The following ZSCAN5A variants were observed in gnomAD, a reference collection of about 807,000 sequenced individuals.
The protein encoded by ZSCAN5A is zinc finger and SCAN domain containing 5A, also known as zinc finger and SCAN domain-containing protein 5A.
In ZSCAN5A, 12 loss-of-function variants were observed where a neutral mutation model predicts 23.7. The observed-to-expected ratio is 0.51, with a 90% CI of 0.32 to 0.82. The LOEUF is 0.82. Among genes scored for constraint, ZSCAN5A ranks in the 40% least tolerant of loss-of-function variants. The pLI is 0.03. For missense variants in ZSCAN5A, 597 were observed against 617.9 expected (o/e 0.97, Z 0.36); for synonymous variants, 257 against 239.9 (o/e 1.07, Z -0.66).
intron 2 of ZSCAN5A, among the ~76,000 whole-genome samples, chr19:56,349,430 C>T (rs2041653602): frequency 6.6e-6 from 1 of 152,154 alleles, no homozygotes; most frequent in South Asian, 2.1e-4. Context: ...AGCGCGGTGG[C>T]TCACGCCTGT....
At chr19:56,303,808 G>A (rs781161987) in intron 2 of ZSCAN5A, among the ~76,000 whole-genome samples, 15 of 115,248 alleles carry the variant, frequency 1.3e-4, no homozygotes, top group Admixed American at 2.5e-4. Flanking sequence ...AGCCTTCCCC[G>A]GGCAGGTAAC....
At chr19:56,337,295 C>T (rs532705758) in intron 2 of ZSCAN5A, among the ~76,000 whole-genome samples, 20 of 152,352 alleles carry the variant, frequency 1.3e-4, no homozygotes, top group African/African-American at 4.8e-4. Context: ...GGCGCCCCTC[C>T]CCCAGCCTCA....
intron 2 of ZSCAN5A, among the ~76,000 whole-genome samples, chr19:56,270,810 C>G (rs2037794222): frequency 6.6e-6 from 1 of 152,022 alleles, no homozygotes; most frequent in African/African-American, 2.4e-5. Flanking sequence ...TGATAGGGAC[C>G]AGAGATGTTG....
At chr19:56,357,114 C>T (rs1257210947) in intron 2 of ZSCAN5A, among the ~76,000 whole-genome samples, 1 of 148,798 alleles carries the variant, frequency 6.7e-6, no homozygotes, top group Non-Finnish European at 1.5e-5. Context: ...GGGCCTTCTT[C>T]TCCTCTTTCT....
chr19:56,349,359 C>T (rs1275036460), intron 2 of ZSCAN5A, among the ~76,000 whole-genome samples: 1 of 152,124 alleles, frequency 6.6e-6, no homozygotes, highest in African/African-American at 2.4e-5. Flanking sequence ...GAGGAAGCAA[C>T]CCCTGACGGT....
intron 2 of ZSCAN5A, among the ~76,000 whole-genome samples, chr19:56,271,815 G>A (rs2146960931): frequency 6.6e-6 from 1 of 152,242 alleles, no homozygotes; most frequent in Admixed American, 6.5e-5. Flanking sequence ...TAGACCAGTG[G>A]TCTCTACACT....
At chr19:56,231,788 T>C (rs11666250) in intron 2 of ZSCAN5A, among the ~76,000 whole-genome samples, 25,608 of 152,146 alleles carry the variant, frequency 0.17, 2,232 homozygotes, top group Middle Eastern at 0.21. Flanking sequence ...TGTGCCTGCA[T>C]GTCCAGAGTC....
At chr19:56,338,849 T>A (rs1246384948) in intron 2 of ZSCAN5A, among the ~76,000 whole-genome samples, 1 of 152,106 alleles carries the variant, frequency 6.6e-6, no homozygotes, top group African/African-American at 2.4e-5. Flanking sequence ...ATGACCACAG[T>A]GAAAGTTTTG....
chr19:56,366,659 TG>T (rs2041768500), intron 1 of ZSCAN5A, among the ~76,000 whole-genome samples: 1 of 152,224 alleles, frequency 6.6e-6, no homozygotes. Flanking sequence ...GTATTTTCTT[TG>T]CCTTGTTTCT....
intron 2 of ZSCAN5A, among the ~76,000 whole-genome samples, chr19:56,338,921 C>CA (rs1436544079): frequency 6.6e-6 from 1 of 152,146 alleles, no homozygotes; most frequent in Admixed American, 6.5e-5. Context: ...TCCCAGGGTT[C>CA]AAAGCATATA....
At chr19:56,360,916 G>A (rs1465914428) in intron 2 of ZSCAN5A, among the ~76,000 whole-genome samples, 4 of 152,112 alleles carry the variant, frequency 2.6e-5, no homozygotes, top group East Asian at 1.9e-4. Flanking sequence ...CTACAGCATG[G>A]AAGAAAATTT....
chr19:56,238,250 G>A (rs2146583447), intron 2 of ZSCAN5A, among the ~76,000 whole-genome samples: 1 of 152,180 alleles, frequency 6.6e-6, no homozygotes, highest in East Asian at 1.9e-4. Flanking sequence ...GCTGAGGCAG[G>A]AGGATTACTT....
At chr19:56,337,007 C>T (rs1310826684) in intron 2 of ZSCAN5A, among the ~76,000 whole-genome samples, 2 of 152,214 alleles carry the variant, frequency 1.3e-5, no homozygotes, top group Admixed American at 6.5e-5. Flanking sequence ...GGGGGTGCCT[C>T]CCAGTTAGGC....
Position 56,356,417 on chromosome 19 carries a change from T to C in ZSCAN5A, c.-358+6818A>G, listed in dbSNP as rs908207439. Among the ~76,000 whole-genome samples, 10 of 148,596 alleles carry C rather than the reference T, an allele frequency of 6.7e-5. 2 individuals carry two copies. The highest frequency in any genetic ancestry group is 1.2e-4 in the Non-Finnish European group (8 of 67,264). ...GTGTAATATATACGTATCAATCTTATGACCTTGCAGCTGTGCTGGGGAGGT... is the reference window on the plus strand; with the variant it reads ...GTGTAATATATACGTATCAATCTTACGACCTTGCAGCTGTGCTGGGGAGGT... On this transcript the variant is annotated intron_variant, in intron 2 of 6. Transcript: ENST00000587340.
intron 2 of ZSCAN5A, among the ~76,000 whole-genome samples, chr19:56,245,876 G>A (rs558153053): frequency 8.5e-5 from 13 of 152,268 alleles, no homozygotes; most frequent in South Asian, 2.1e-4. Context: ...ATTGTAGGGG[G>A]TGGTGGGGTG....
rs556807854 is a variant in ZSCAN5A, at chr19:56,227,964, G to A, written c.-127-2791C>T. Among the ~76,000 whole-genome samples, 23 of 152,108 alleles carry A rather than the reference G, an allele frequency of 1.5e-4. No homozygotes were observed. The South Asian group carries it at 3.5e-3, about 23-fold the overall frequency. On this transcript the variant is annotated intron_variant, in intron 2 of 5. Coordinates refer to ENST00000683990, the MANE Select transcript of ZSCAN5A (RefSeq NM_001322064.3). ...TCCCAGCTACTCGGGAGGCGGAGGC[G>A]GGCGGATCGCTTGAGCCCAGGAATT...
chr19:56,230,121 T>C (rs2034326474), intron 2 of ZSCAN5A, among the ~76,000 whole-genome samples: 1 of 152,090 alleles, frequency 6.6e-6, no homozygotes, highest in Admixed American at 6.6e-5. Context: ...ATATTATTAT[T>C]ATTATTTTGA....
In ZSCAN5A at chr19:56,221,457, T is replaced by C; in HGVS notation, c.*118A>G. The C allele has an allele frequency of 1.5e-6, 2 of 1,292,204 alleles. No homozygotes were observed. Among genetic ancestry groups the C allele is most frequent in the South Asian group, 3.2e-5 (2 of 63,270 alleles). 80.0% of individuals were successfully genotyped at this position (1,292,204 alleles called of 1,614,324 possible). A position where few individuals can be genotyped will look rare whatever the true frequency, so the allele number is the denominator to read the frequency against. The stretch of plus-strand genomic sequence containing the variant: ...CTCAAACATCCTGGCAATTCATATC[T>C]AGGGCACTCCCTCTGTGTGTCAGAC... On this transcript the variant is annotated 3_prime_UTR_variant, in exon 6 of 6. Coordinates refer to ENST00000683990, the MANE Select transcript of ZSCAN5A (RefSeq NM_001322064.3).
intron 2 of ZSCAN5A, among the ~76,000 whole-genome samples, chr19:56,248,767 G>A (rs1376821504): frequency 6.6e-6 from 1 of 151,952 alleles, no homozygotes; most frequent in East Asian, 1.9e-4. Flanking sequence ...GGTTCACAGG[G>A]AAATTCAGTG....
Sources: allele counts gnomAD v4.1 joint callset (sites outside exome capture counted in the v4.1 genomes callset), GRCh38; gene constraint gnomAD v4.1.1; transcripts MANE v1.5; gene names NCBI Gene and HGNC (gene_info 2026-07-23, HGNC 2026-07-21).